The following GTF2IRD1 variants were observed in gnomAD, a reference collection of about 807,000 sequenced individuals.
GTF2IRD1 encodes the protein GTF2I repeat domain containing 1, also known as general transcription factor II-I repeat domain-containing protein 1.
In GTF2IRD1, 26 loss-of-function variants were observed where a neutral mutation model predicts 113.2. The ratio of observed to expected loss-of-function variants is 0.23; its 90% confidence interval spans 0.17 to 0.32. The LOEUF is 0.32. GTF2IRD1 is among the 10% of genes least tolerant of loss of function. The probability of loss-of-function intolerance (pLI) is 1.00; values close to 1 mark genes in which losing one functional copy is unlikely to be tolerated. For missense variants in GTF2IRD1, 864 were observed against 1,280.8 expected (o/e 0.67, Z 4.97); for synonymous variants, 484 against 529.1 (o/e 0.91, Z 1.17).
intron 1 of GTF2IRD1, among the ~76,000 whole-genome samples, chr7:74,474,714 C>A (rs1252335963): frequency 6.6e-6 from 1 of 152,158 alleles, no homozygotes; most frequent in Non-Finnish European, 1.5e-5. Context: ...GCGAGATGCC[C>A]ATCAGCAGCA....
At chr7:74,547,001 G>C in intron 16 of GTF2IRD1, 102 bp from the exon 17 acceptor site, 1 of 1,054,952 alleles carries the variant, frequency 9.5e-7, no homozygotes, top group Non-Finnish European at 1.4e-6. Flanking sequence ...GCCCTCAAAA[G>C]GGCTCTGGCA....
rs1796590968 is a variant in GTF2IRD1 at position 74,510,868 on chromosome 7, G to A, written c.124-1962G>A. On this transcript the variant is annotated intron_variant, in intron 2 of 26. Coordinates refer to ENST00000424337, the MANE Select transcript of GTF2IRD1 (RefSeq NM_005685.4). ...GTTTGAGACCAGCCTGGCCAACATGGTGAAACTCCATCTCTACTGAAAATA... is the reference window on the plus strand; with the variant it reads ...GTTTGAGACCAGCCTGGCCAACATGATGAAACTCCATCTCTACTGAAAATA... 2.0e-5 allele frequency among the ~76,000 whole-genome samples: 3 copies of A among 151,924 alleles called. No homozygotes were observed. The South Asian group carries it at 6.2e-4, about 32-fold the overall frequency.
At chr7:74,524,908 CA>C (rs1554346903) in intron 8 of GTF2IRD1, among the ~76,000 whole-genome samples, 1 of 152,094 alleles carries the variant, frequency 6.6e-6, no homozygotes, top group African/African-American at 2.4e-5. Context: ...AAATTAACCA[CA>C]CACCTGTGGT....
intron 1 of GTF2IRD1, among the ~76,000 whole-genome samples, chr7:74,470,677 G>C (rs1468487405): frequency 1.3e-5 from 2 of 152,178 alleles, no homozygotes; most frequent in African/African-American, 2.4e-5. Context: ...CCATACTGTG[G>C]AATATTAGTT....
At chr7:74,527,826 G>T (rs1797695525) in intron 8 of GTF2IRD1, among the ~76,000 whole-genome samples, 1 of 152,064 alleles carries the variant, frequency 6.6e-6, no homozygotes, top group Admixed American at 6.6e-5. Context: ...GGGCAACAGA[G>T]CAAGACTCCA....
At chr7:74,561,273 C>T (rs1554358965) in intron 22 of GTF2IRD1, among the ~76,000 whole-genome samples, 1 of 148,332 alleles carries the variant, frequency 6.7e-6, no homozygotes, top group Admixed American at 6.9e-5. Context: ...CACTTGAACC[C>T]GGGAGGCAGA....
At chr7:74,475,058 C>A (rs1794324615) in intron 1 of GTF2IRD1, among the ~76,000 whole-genome samples, 1 of 152,102 alleles carries the variant, frequency 6.6e-6, no homozygotes, top group African/African-American at 2.4e-5. Context: ...AGTTTGAGAC[C>A]AGCCAGGGCA....
In GTF2IRD1 at chr7:74,535,538, C is replaced by T. The variant is rs118075454; in HGVS notation, c.1300+400C>T. Among the ~76,000 whole-genome samples the T allele has an allele frequency of 3.9e-3, 599 of 152,348 alleles. 5 individuals are homozygous for T. The highest frequency in any genetic ancestry group is 9.5e-3 in the South Asian group (46 of 4,818). ...GGAACGGAAGCCCAGCTGGTGAGCA[C>T]GGGTCCCTGCTGCATGCCCAGCAGT... On this transcript the variant is annotated intron_variant, in intron 10 of 26. Transcript: ENST00000424337.
At chr7:74,456,774 TTCTC>T (rs1793005937) in intron 1 of GTF2IRD1, among the ~76,000 whole-genome samples, 1 of 152,104 alleles carries the variant, frequency 6.6e-6, no homozygotes, top group East Asian at 1.9e-4. Context: ...ACAGTTCCTC[TTCTC>T]TCGAAGGTTC....
At chr7:74,545,622 A>G in intron 15 of GTF2IRD1, 122 bp from the exon 16 acceptor site, 1 of 614,126 alleles carries the variant, frequency 1.6e-6, no homozygotes, top group South Asian at 1.6e-5. Flanking sequence ...CCACCGCCCC[A>G]GCCCCAGCCT....
rs559512133 is a variant in GTF2IRD1, at chr7:74,494,761, A to T, written c.-6-13314A>T. Among the ~76,000 whole-genome samples the T allele has an allele frequency of 1.8e-3, 274 of 152,054 alleles. 1 individual carries two copies. The highest frequency in any genetic ancestry group is 5.7e-3 in the African/African-American group (238 of 41,470). ...AAAAAACCAAAAAACTTATTTATTT[A>T]TTTTTTAGAGACAGGGTTCTCACTC... On this transcript the variant is annotated intron_variant, in intron 1 of 26. Transcript: ENST00000424337.
At chr7:74,542,700 T>C (rs1554352119) in intron 14 of GTF2IRD1, among the ~76,000 whole-genome samples, 1 of 152,260 alleles carries the variant, frequency 6.6e-6, no homozygotes, top group African/African-American at 2.4e-5. Context: ...GAGAGTTTGG[T>C]TGACGCCAAG....
intron 1 of GTF2IRD1, among the ~76,000 whole-genome samples, chr7:74,492,891 C>T (rs1795449097): frequency 6.6e-6 from 1 of 152,086 alleles, no homozygotes; most frequent in African/African-American, 2.4e-5. Flanking sequence ...ACTTCGTCTT[C>T]ACTTGGACTT....
At chr7:74,471,689 A>C (rs6958514) in intron 1 of GTF2IRD1, among the ~76,000 whole-genome samples, 58 of 72,998 alleles carry the variant, frequency 7.9e-4, no homozygotes, top group Middle Eastern at 0.019. Flanking sequence ...AAAAAAAAAA[A>C]CAAAAAAAAA....
At chr7:74,550,190 G>A (rs1799222395) in intron 17 of GTF2IRD1, among the ~76,000 whole-genome samples, 1 of 151,966 alleles carries the variant, frequency 6.6e-6, no homozygotes, top group Admixed American at 6.6e-5. Context: ...TAACACTCTT[G>A]TCTCAAAAAA....
At chr7:74,564,008 T>C (rs1800137455) in intron 22 of GTF2IRD1, among the ~76,000 whole-genome samples, 1 of 152,096 alleles carries the variant, frequency 6.6e-6, no homozygotes, top group Non-Finnish European at 1.5e-5. Context: ...GAGATTGTGC[T>C]TTTTTGTTTT....
chr7:74,594,973 A>G (rs1554371724), intron 24 of GTF2IRD1, 41 bp from the exon 25 acceptor site: 2 of 1,498,682 alleles, frequency 1.3e-6, no homozygotes, highest in Non-Finnish European at 1.8e-6. Context: ...GGAGGGGAAA[A>G]CCTCATTTTC....
intron 22 of GTF2IRD1, among the ~76,000 whole-genome samples, chr7:74,587,379 G>A (rs1295825019): frequency 1.3e-5 from 2 of 152,036 alleles, no homozygotes; most frequent in South Asian, 4.2e-4. Context: ...GGGAGGCAGA[G>A]GTTGCAGCGA....
chr7:74,543,710 G>A (rs1798754571), intron 14 of GTF2IRD1, among the ~76,000 whole-genome samples: 1 of 151,606 alleles, frequency 6.6e-6, no homozygotes, highest in Non-Finnish European at 1.5e-5. Flanking sequence ...GACCAGCTTG[G>A]ACAACATGGC....
Sources: gnomAD v4.1 joint callset for allele counts (sites outside exome capture counted in the v4.1 genomes callset) on GRCh38, gnomAD v4.1.1 for gene constraint, MANE v1.5 for transcripts, NCBI Gene and HGNC (gene_info 2026-07-23, HGNC 2026-07-21) for gene names.